CACNA1C: variants seen among roughly 807,000 people sequenced by gnomAD.
The protein encoded by CACNA1C is calcium voltage-gated channel subunit alpha1 C.
In CACNA1C, 30 loss-of-function variants were observed where a neutral mutation model predicts 229.0. The observed-to-expected ratio is 0.13, with a 90% CI of 0.10 to 0.18. CACNA1C has a LOEUF of 0.18. Ranked by LOEUF, CACNA1C falls within the 10% of genes least tolerant of loss-of-function variation. The pLI is 1.00. For synonymous variants in CACNA1C, 1,114 were observed against 1,132.5 expected, an observed-to-expected ratio of 0.98 and a Z score of 0.33; for missense variants, 1,658 against 2,845.0, an observed-to-expected ratio of 0.58 and a Z score of 9.49.
At chr12:2,164,641 C>T (rs2096114547) in intron 3 of CACNA1C, among the ~76,000 whole-genome samples, 1 of 152,150 alleles carries the variant, frequency 6.6e-6, no homozygotes, top group Non-Finnish European at 1.5e-5. Context: ...AGGAAGGTCA[C>T]AAAAGAGAAT....
intron 3 of CACNA1C, among the ~76,000 whole-genome samples, chr12:2,120,712 C>T (rs529709847): frequency 2.0e-4 from 28 of 140,830 alleles, no homozygotes; most frequent in African/African-American, 1.9e-4. Context: ...TAGCAAATCC[C>T]GTGACTGCTA....
chr12:1,992,046 G>C (rs1024257847), intron 1 of CACNA1C: 32 of 356,324 alleles, frequency 9.0e-5, no homozygotes, highest in Non-Finnish European at 1.2e-4. Context: ...ATTCAAACTG[G>C]CATTTCTGTA....
rs1367467218 is a variant in CACNA1C at position 2,570,096 on chromosome 12, G to A, written c.1895+2302G>A. The stretch of plus-strand genomic sequence containing the variant: ...TTAATGTGCGTTATGATCAACCTTA[G>A]AAGACATATGGGAAACACCTGGAAG... On this transcript the variant is annotated intron_variant, in intron 13 of 46. Coordinates refer to ENST00000399655, the MANE Select transcript of CACNA1C (RefSeq NM_000719.7). Among the ~76,000 whole-genome samples, 6 of 152,158 alleles carry A rather than the reference G, an allele frequency of 3.9e-5. No homozygotes were observed. The East Asian group carries it at 1.2e-3, about 29-fold the overall frequency.
intron 21 of CACNA1C, among the ~76,000 whole-genome samples, chr12:2,598,800 C>A (rs1020252690): frequency 2.0e-5 from 3 of 152,144 alleles, no homozygotes; most frequent in Non-Finnish European, 4.4e-5. Context: ...TGTCCTTGTC[C>A]CCAGGACACT....
rs2091344742 is a variant in CACNA1C, at chr12:2,633,267, TGAGAA to T, written c.3829-1025_3829-1021del. 6.6e-6 allele frequency among the ~76,000 whole-genome samples: 1 copy of T among 152,260 alleles called. No homozygotes were observed. Among genetic ancestry groups the T allele is most frequent in the African/African-American group, 2.4e-5 (1 of 41,554 alleles). On this transcript the variant is annotated intron_variant, in intron 29 of 46. Transcript: ENST00000399655. The surrounding 1 kb of genome is among the most constrained non-coding windows in gnomAD (Gnocchi z 5.8). Reference sequence around the variant, plus strand: ...GGTGCAGGAGATGCTCAGCGTGGACTGAGAAGAGAGCATAGTAGCCACATCCTGCC... The same window carrying T: ...GGTGCAGGAGATGCTCAGCGTGGACTGAGAGCATAGTAGCCACATCCTGCC...
chr12:2,184,283 T>C (rs1004416814), intron 3 of CACNA1C, among the ~76,000 whole-genome samples: 10 of 152,354 alleles, frequency 6.6e-5, no homozygotes, highest in Admixed American at 4.6e-4. Context: ...GTAACTTGCT[T>C]TCTTTATTCT....
intron 9 of CACNA1C, among the ~76,000 whole-genome samples, chr12:2,515,213 G>A (rs1399040885): frequency 6.6e-6 from 1 of 152,210 alleles, no homozygotes; most frequent in Non-Finnish European, 1.5e-5. Flanking sequence ...GCAAGATGTA[G>A]AGAGTAAGAT....
intron 3 of CACNA1C, among the ~76,000 whole-genome samples, chr12:2,416,277 T>C (rs1217207840): frequency 6.6e-6 from 1 of 152,042 alleles, no homozygotes; most frequent in Non-Finnish European, 1.5e-5. Context: ...TTCCCCACTC[T>C]ATTTCGTGGG....
At chr12:2,565,475 GAAAAA>G (rs4016834) in intron 11 of CACNA1C, among the ~76,000 whole-genome samples, 2 of 117,740 alleles carry the variant, frequency 1.7e-5, no homozygotes, top group Admixed American at 8.8e-5. Context: ...CTCCGTCTCA[GAAAAA>G]AAAAAAAAAA....
At chr12:2,509,582 C>G (rs1437871642) in intron 8 of CACNA1C, among the ~76,000 whole-genome samples, 1 of 152,174 alleles carries the variant, frequency 6.6e-6, no homozygotes, top group Non-Finnish European at 1.5e-5. Context: ...CACCGTAACT[C>G]GCACCTGCGT....
At chr12:2,623,747 C>T (rs1307399759) in intron 29 of CACNA1C, among the ~76,000 whole-genome samples, 2 of 152,208 alleles carry the variant, frequency 1.3e-5, no homozygotes, top group African/African-American at 4.8e-5. Flanking sequence ...CAACGGAAGA[C>T]AAGACAGGCA....
intron 3 of CACNA1C, among the ~76,000 whole-genome samples, chr12:2,286,972 C>G (rs2092775332): frequency 6.6e-6 from 1 of 152,136 alleles, no homozygotes; most frequent in South Asian, 2.1e-4. Context: ...TTTCTGGAGG[C>G]AAAATCTAAA....
At position 2,474,654 on chromosome 12, in the gene CACNA1C, G is replaced by A. The variant is rs560156086; in HGVS notation, c.758-11450G>A. Among the ~76,000 whole-genome samples, 63 of 151,970 alleles carry A rather than the reference G, an allele frequency of 4.1e-4. 1 individual carries two copies. The South Asian group carries it at 0.013, about 31-fold the overall frequency. The stretch of plus-strand genomic sequence containing the variant: ...GCCGGTAATCCCAGTTGCTCGGGAG[G>A]CTGAGGCAAGAGAATCACTTGAACC... On this transcript the variant is annotated intron_variant, in intron 5 of 46. Transcript: ENST00000399655.
At position 2,203,007 on chromosome 12, in the gene CACNA1C, T is replaced by C. The variant is rs187257893; in HGVS notation, c.477+82577T>C. ...GGCCATTTGTACACCGAAAGTTTTC[T>C]TTTTTTCTGTGTGAATGGAATCCCC... On this transcript the variant is annotated intron_variant, in intron 3 of 46. Transcript: ENST00000399655. Among the ~76,000 whole-genome samples the C allele has an allele frequency of 6.6e-5, 10 of 152,294 alleles. 1 individual carries two copies. The highest frequency in any genetic ancestry group is 2.4e-4 in the African/African-American group (10 of 41,552).
chr12:2,157,707 C>T (rs1229215781), intron 3 of CACNA1C, among the ~76,000 whole-genome samples: 1 of 152,180 alleles, frequency 6.6e-6, no homozygotes, highest in Non-Finnish European at 1.5e-5. Flanking sequence ...GTGGTTCTCT[C>T]TTAAATAAGG....
chr12:2,385,729 G>A (rs2098370438), intron 3 of CACNA1C, among the ~76,000 whole-genome samples: 1 of 152,188 alleles, frequency 6.6e-6, no homozygotes, highest in Non-Finnish European at 1.5e-5. Context: ...TGGCCCCTAG[G>A]ATAACTATAA....
At chr12:2,138,882 A>G (rs2093840509) in intron 3 of CACNA1C, among the ~76,000 whole-genome samples, 1 of 150,532 alleles carries the variant, frequency 6.6e-6, no homozygotes, top group Admixed American at 6.7e-5. Flanking sequence ...CCAGACTTGG[A>G]GTCCCTTCTT....
intron 3 of CACNA1C, among the ~76,000 whole-genome samples, chr12:2,150,122 CT>C (rs1023256017): frequency 3.3e-5 from 5 of 152,176 alleles, no homozygotes; most frequent in African/African-American, 1.2e-4. Context: ...GGCTGGCAAC[CT>C]TTTGTATCAG....
chr12:2,272,156 A>T (rs2085341597), intron 3 of CACNA1C, among the ~76,000 whole-genome samples: 1 of 152,112 alleles, frequency 6.6e-6, no homozygotes, highest in Non-Finnish European at 1.5e-5. Context: ...AGGCCAAATC[A>T]ATCCTGTCTA....
Sources: gnomAD v4.1 joint callset for allele counts (sites outside exome capture counted in the v4.1 genomes callset) on GRCh38, gnomAD v4.1.1 for gene constraint, Gnocchi (gnomAD v3.1) non-coding constraint, MANE v1.5 for transcripts, NCBI Gene and HGNC (gene_info 2026-07-23, HGNC 2026-07-21) for gene names.